Variants in REPS2 observed in about 807,000 individuals in gnomAD.
REPS2 encodes ralBP1-associated Eps domain-containing protein 2.
REPS2 carries 23 observed loss-of-function variants against 53.6 expected under a neutral mutation model. The observed-to-expected ratio is 0.43, with a 90% CI of 0.31 to 0.61. The LOEUF (loss-of-function observed/expected upper bound fraction) is 0.61, where lower values mean the gene tolerates loss of function less well. Among genes scored for constraint, REPS2 ranks in the 20% least tolerant of loss-of-function variants. REPS2 has a pLI of 0.11. For synonymous variants in REPS2, 238 were observed against 218.6 expected (o/e 1.09, Z -0.78); for missense variants, 446 against 534.9 (o/e 0.83, Z 1.64).
intron 9 of REPS2, among the ~76,000 whole-genome samples, chrX:17,065,873 C>T (rs1344189405): frequency 8.9e-6 from 1 of 111,817 alleles, no homozygotes; most frequent in Non-Finnish European, 1.9e-5. Context: ...GCGTGAACCA[C>T]TGAGCCTGGC....
At chrX:17,087,690 C>T (rs754673140) in intron 13 of REPS2, among the ~76,000 whole-genome samples, 1 of 111,179 alleles carries the variant, frequency 9.0e-6, no homozygotes, top group Admixed American at 9.5e-5. Context: ...ATCTCAGCAC[C>T]CTGGGAGGCC....
chrX:17,074,918 A>G (rs982126917), intron 12 of REPS2, among the ~76,000 whole-genome samples: 4 of 111,664 alleles, frequency 3.6e-5, no homozygotes, highest in Admixed American at 1.9e-4. Flanking sequence ...CCTACTAGAC[A>G]CAATCCTGAA....
the REPS2 span, among the ~76,000 whole-genome samples, chrX:17,184,787 G>T: frequency 8.9e-6 from 1 of 112,199 alleles, no homozygotes; most frequent in Non-Finnish European, 1.9e-5. Flanking sequence ...CAGTGATGGT[G>T]AGCATTTTTT....
chrX:17,182,443 T>C, the REPS2 span, among the ~76,000 whole-genome samples: 1 of 111,848 alleles, frequency 8.9e-6, no homozygotes, highest in Non-Finnish European at 1.9e-5. Context: ...AACTTTACCA[T>C]GATAGTTTCA....
intron 1 of REPS2, among the ~76,000 whole-genome samples, chrX:16,955,485 G>A (rs766325586): frequency 1.8e-5 from 2 of 112,034 alleles, no homozygotes; most frequent in Non-Finnish European, 3.8e-5. Flanking sequence ...TCAGCTCAGA[G>A]TTTCATAAAG....
intron 5 of REPS2, among the ~76,000 whole-genome samples, chrX:17,041,078 A>G (rs776423504): frequency 1.5e-4 from 17 of 111,943 alleles, no homozygotes; most frequent in African/African-American, 5.5e-4. Context: ...CGCTGTCCTC[A>G]GCATGGTGAT....
At chrX:17,025,212 TC>T in intron 4 of REPS2, 27 bp downstream of exon 4, 1 of 1,195,420 alleles carries the variant, frequency 8.4e-7, no homozygotes, top group South Asian at 1.8e-5. Context: ...GGGCCAGCTG[TC>T]CCAGGCAGTG....
At chrX:17,089,308 G>A (rs1301721056) in intron 13 of REPS2, among the ~76,000 whole-genome samples, 1 of 110,727 alleles carries the variant, frequency 9.0e-6, no homozygotes, top group African/African-American at 3.3e-5. Flanking sequence ...TTAATCAACT[G>A]TGTCCCATCT....
chrX:17,174,191 C>T, the REPS2 span, among the ~76,000 whole-genome samples: 1 of 111,817 alleles, frequency 8.9e-6, no homozygotes, highest in African/African-American at 3.3e-5. Context: ...CCAGCTTCTT[C>T]ACTCATCAAG....
intron 17 of REPS2, among the ~76,000 whole-genome samples, chrX:17,143,131 A>G (rs1012328453): frequency 1.8e-5 from 2 of 111,726 alleles, no homozygotes; most frequent in African/African-American, 6.5e-5. Flanking sequence ...TAGTGATGTG[A>G]AACAAATCAG....
chrX:16,994,494 A>G (rs932737471), intron 1 of REPS2, among the ~76,000 whole-genome samples: 7 of 111,407 alleles, frequency 6.3e-5, no homozygotes, highest in African/African-American at 2.3e-4. Context: ...ATAAAAAGGA[A>G]TGAAATAATA....
intron 17 of REPS2, among the ~76,000 whole-genome samples, chrX:17,146,460 A>G (rs1170959299): frequency 2.7e-5 from 3 of 110,940 alleles, no homozygotes; most frequent in African/African-American, 9.9e-5. Context: ...CCTTTCTCCC[A>G]TATCCCCCTC....
At chrX:16,977,368 C>A (rs1051734483) in intron 1 of REPS2, among the ~76,000 whole-genome samples, 1 of 110,673 alleles carries the variant, frequency 9.0e-6, no homozygotes, top group African/African-American at 3.3e-5. Context: ...CTACTCTTGT[C>A]TGAAGAATGC....
chrX:17,123,351 A>G (rs2063166350), intron 14 of REPS2, among the ~76,000 whole-genome samples: 1 of 112,704 alleles, frequency 8.9e-6, no homozygotes, highest in South Asian at 3.6e-4. Flanking sequence ...TAGAAATTGG[A>G]CATAGAAGAA....
the REPS2 span, among the ~76,000 whole-genome samples, chrX:17,189,616 A>G: frequency 9.2e-6 from 1 of 109,058 alleles, no homozygotes; most frequent in African/African-American, 3.4e-5. Context: ...TTGCTTTAGA[A>G]TGATTTTTAT....
chrX:17,143,706 T>G (rs775199370), intron 17 of REPS2, among the ~76,000 whole-genome samples: 1 of 111,967 alleles, frequency 8.9e-6, no homozygotes, highest in South Asian at 3.7e-4. Context: ...ATTCTAAATC[T>G]TCTGTTGTTT....
At chrX:17,000,883 T>C (rs1202970601) in intron 1 of REPS2, among the ~76,000 whole-genome samples, 1 of 111,626 alleles carries the variant, frequency 9.0e-6, no homozygotes, top group Non-Finnish European at 1.9e-5. Flanking sequence ...TTGTGGGCCA[T>C]AGAAAACCAA....
intron 17 of REPS2, among the ~76,000 whole-genome samples, chrX:17,140,366 C>G (rs1179422318): frequency 2.7e-5 from 3 of 110,802 alleles, no homozygotes; most frequent in Middle Eastern, 4.6e-3. Context: ...ACTGGTGCTT[C>G]CCATTTTCAT....
At chrX:17,054,234 T>C (rs937942467) in intron 7 of REPS2, among the ~76,000 whole-genome samples, 1 of 112,755 alleles carries the variant, frequency 8.9e-6, no homozygotes, top group African/African-American at 3.2e-5. Flanking sequence ...ATTCATTCCA[T>C]TTTTTATTGA....
Sources: gnomAD v4.1 joint callset for allele counts (sites outside exome capture counted in the v4.1 genomes callset) on GRCh38, gnomAD v4.1.1 for gene constraint, MANE v1.5 for transcripts, NCBI Gene and HGNC (gene_info 2026-07-23, HGNC 2026-07-21) for gene names.